IRAK1BP1: variants seen among roughly 807,000 people sequenced by gnomAD.
IRAK1BP1 encodes interleukin 1 receptor associated kinase 1 binding protein 1, also known as interleukin-1 receptor-associated kinase 1-binding protein 1.
A neutral mutation model predicts 28.0 loss-of-function variants in IRAK1BP1; 24 were observed. That is an observed-to-expected ratio of 0.86 (90% CI 0.62 to 1.20). The LOEUF (loss-of-function observed/expected upper bound fraction) is 1.20. Ranked by LOEUF, IRAK1BP1 falls within the 50% of genes most tolerant of loss-of-function variation. The pLI, the probability that IRAK1BP1 is intolerant of heterozygous loss-of-function variation, is 0.00. For missense variants in IRAK1BP1, 336 were observed against 316.7 expected (o/e 1.06, Z -0.46); for synonymous variants, 131 against 116.3 (o/e 1.13, Z -0.81).
chr6:78,970,638 C>T, the IRAK1BP1 span: 1 of 574,278 alleles, frequency 1.7e-6, no homozygotes, highest in East Asian at 3.1e-5. Context: ...TTAAACACCT[C>T]CTACTCTCTA....
chr6:78,958,270 AT>A, the IRAK1BP1 span: 12 of 398,210 alleles, frequency 3.0e-5, no homozygotes, highest in Non-Finnish European at 5.4e-5. Context: ...TTTCATTCTT[AT>A]TATTAGCCAA....
the IRAK1BP1 span, among the ~76,000 whole-genome samples, chr6:78,966,887 G>GT: frequency 6.6e-6 from 1 of 152,134 alleles, no homozygotes; most frequent in Non-Finnish European, 1.5e-5. Context: ...TTCAAATAAC[G>GT]TATCTGTATA....
chr6:78,906,905 G>A (rs981398717), downstream of IRAK1BP1, among the ~76,000 whole-genome samples: 2 of 152,118 alleles, frequency 1.3e-5, no homozygotes, highest in African/African-American at 4.8e-5. Context: ...TATCTTAAAT[G>A]ATGGGTAAAG....
rs961607853 is a variant in IRAK1BP1 at position 78,923,660 on chromosome 6, A to G, written c.*67+20550A>G. Among the ~76,000 whole-genome samples, 5 of 152,334 alleles carry G rather than the reference A, an allele frequency of 3.3e-5. No homozygotes were observed. The East Asian group carries it at 7.7e-4, about 23-fold the overall frequency. ...ACACCTATTCCAAAATTGACCACAT[A>G]GTTGGAAGTAAAGCACTCCTCAGCA... On this transcript the variant is annotated intron_variant and NMD_transcript_variant, in intron 4 of 4. Transcript: ENST00000606868.
intron 1 of IRAK1BP1, among the ~76,000 whole-genome samples, chr6:78,873,152 G>C (rs1384980690): frequency 6.7e-6 from 1 of 149,794 alleles, no homozygotes; most frequent in Non-Finnish European, 1.5e-5. Flanking sequence ...CTACTCCGGA[G>C]GCTGAGGCAG....
At chr6:78,910,772 C>G (rs184423913) in intron 4 of IRAK1BP1, among the ~76,000 whole-genome samples, 3 of 152,250 alleles carry the variant, frequency 2.0e-5, no homozygotes, top group African/African-American at 7.2e-5. Flanking sequence ...GGGACTGCCC[C>G]AGACACGCAC....
At chr6:78,961,366 C>T in the IRAK1BP1 span, among the ~76,000 whole-genome samples, 6 of 151,786 alleles carry the variant, frequency 4.0e-5, no homozygotes, top group East Asian at 9.7e-4. Context: ...AATGAAATAC[C>T]TTGCCTTGCT....
At chr6:78,892,485 G>T (rs1174636556) in intron 2 of IRAK1BP1, among the ~76,000 whole-genome samples, 1 of 151,874 alleles carries the variant, frequency 6.6e-6, no homozygotes, top group Non-Finnish European at 1.5e-5. Context: ...CTTTGTTACT[G>T]CTATTTCAGT....
chr6:78,947,831 T>G, downstream of IRAK1BP1: 2 of 1,253,568 alleles, frequency 1.6e-6, no homozygotes, highest in Non-Finnish European at 2.3e-6. Context: ...GCATCACTTC[T>G]CAGTGCAGGG....
intron 2 of IRAK1BP1, among the ~76,000 whole-genome samples, chr6:78,894,243 A>G (rs1205684480): frequency 1.3e-5 from 2 of 152,248 alleles, no homozygotes; most frequent in African/African-American, 2.4e-5. Flanking sequence ...AAATTTACCC[A>G]TGTCAATAAT....
chr6:78,916,241 A>G (rs548028111), intron 4 of IRAK1BP1, among the ~76,000 whole-genome samples: 16 of 152,090 alleles, frequency 1.1e-4, no homozygotes, highest in East Asian at 1.9e-4. Context: ...GGTTCTAGAA[A>G]GTCTTTAGAT....
At chr6:78,916,059 A>G (rs1386079696) in intron 4 of IRAK1BP1, among the ~76,000 whole-genome samples, 1 of 152,226 alleles carries the variant, frequency 6.6e-6, no homozygotes, top group Non-Finnish European at 1.5e-5. Flanking sequence ...CAGCCGGAGC[A>G]AGCAGCTCAA....
chr6:78,926,687 C>T (rs534270287), intron 4 of IRAK1BP1, among the ~76,000 whole-genome samples: 7 of 152,176 alleles, frequency 4.6e-5, no homozygotes, highest in African/African-American at 1.2e-4. Context: ...CCCACCTCCC[C>T]GACACCCTCC....
chr6:78,903,134 G>A (rs1184045042), downstream of IRAK1BP1: 8 of 1,221,782 alleles, frequency 6.5e-6, no homozygotes, highest in East Asian at 1.8e-4. Flanking sequence ...TTATAAGAGT[G>A]AGAAAAAGAA....
At chr6:78,928,963 G>C (rs1772968276) in intron 4 of IRAK1BP1, among the ~76,000 whole-genome samples, 1 of 152,062 alleles carries the variant, frequency 6.6e-6, no homozygotes, top group Non-Finnish European at 1.5e-5. Context: ...AAATTGACCT[G>C]CAGTTTTCTT....
the IRAK1BP1 span, chr6:78,954,910 T>A: frequency 3.9e-5 from 62 of 1,588,456 alleles, no homozygotes; most frequent in Middle Eastern, 1.7e-4. Context: ...TCTTCCATGC[T>A]TGAATATCGT....
chr6:78,952,539 C>T, the IRAK1BP1 span, among the ~76,000 whole-genome samples: 1 of 151,756 alleles, frequency 6.6e-6, no homozygotes, highest in African/African-American at 2.4e-5. Flanking sequence ...TTTTGTTAGA[C>T]ATATTTTGGA....
intron 2 of IRAK1BP1, among the ~76,000 whole-genome samples, chr6:78,893,775 C>T (rs748967431): frequency 1.4e-4 from 21 of 151,902 alleles, no homozygotes; most frequent in Non-Finnish European, 2.6e-4. Flanking sequence ...ATGGTGGTCA[C>T]GCCTGTAGTC....
chr6:78,931,099 G>A (rs971738361), intron 4 of IRAK1BP1, among the ~76,000 whole-genome samples: 1 of 152,046 alleles, frequency 6.6e-6, no homozygotes, highest in African/African-American at 2.4e-5. Flanking sequence ...TAGAAAAAAT[G>A]AGATAAAAAT....
Sources: allele counts gnomAD v4.1 joint callset (sites outside exome capture counted in the v4.1 genomes callset), GRCh38; gene constraint gnomAD v4.1.1; transcripts MANE v1.5; gene names NCBI Gene and HGNC (gene_info 2026-07-23, HGNC 2026-07-21).